The following POLQ variants were observed in gnomAD, a reference collection of about 807,000 sequenced individuals.
The protein encoded by POLQ is epididymis secretory sperm binding protein.
In POLQ, 233 loss-of-function variants were observed where a neutral mutation model predicts 259.2. The observed-to-expected ratio is 0.90, with a 90% CI of 0.81 to 1.00. The LOEUF (loss-of-function observed/expected upper bound fraction) is 1.00, where lower values mean the gene tolerates loss of function less well. Among genes scored for constraint, POLQ ranks in the 50% least tolerant of loss-of-function variants. The pLI is 0.00. For missense variants in POLQ, 2,871 were observed against 3,051.6 expected, an observed-to-expected ratio of 0.94 and a Z score of 1.39; for synonymous variants, 1,025 against 1,048.8, an observed-to-expected ratio of 0.98 and a Z score of 0.44.
chr3:121,453,148 A>G (rs1382976359), intron 25 of POLQ, among the ~76,000 whole-genome samples: 1 of 152,260 alleles, frequency 6.6e-6, no homozygotes, highest in East Asian at 1.9e-4. Context: ...GTGGACATCT[A>G]GCAAACTCCA....
chr3:121,543,303 G>A (rs1270391308), intron 2 of POLQ, among the ~76,000 whole-genome samples: 1 of 151,188 alleles, frequency 6.6e-6, no homozygotes, highest in Non-Finnish European at 1.5e-5. Flanking sequence ...TTTATTTTTT[G>A]TAATGCCTTT....
intron 2 of POLQ, among the ~76,000 whole-genome samples, chr3:121,541,897 G>A (rs1459219573): frequency 1.3e-5 from 2 of 151,768 alleles, no homozygotes; most frequent in South Asian, 2.1e-4. Flanking sequence ...GGCCAAGGCC[G>A]GGGGATCACT....
intron 9 of POLQ, among the ~76,000 whole-genome samples, chr3:121,517,934 G>C (rs2048309592): frequency 6.6e-6 from 1 of 152,118 alleles, no homozygotes; most frequent in Non-Finnish European, 1.5e-5. Context: ...TTTTGTTACA[G>C]CAGTGAATTT....
At chr3:121,521,118 A>G (rs1253893237) in intron 8 of POLQ, among the ~76,000 whole-genome samples, 1 of 152,112 alleles carries the variant, frequency 6.6e-6, no homozygotes, top group African/African-American at 2.4e-5. Context: ...TTTGCTTTCT[A>G]TAGTTTTAGT....
intron 12 of POLQ, among the ~76,000 whole-genome samples, chr3:121,505,959 T>G (rs1156741062): frequency 6.8e-6 from 1 of 147,022 alleles, no homozygotes; most frequent in Admixed American, 6.9e-5. Context: ...GAGGCGGAGG[T>G]TGCAGTGAGC....
intron 19 of POLQ, among the ~76,000 whole-genome samples, chr3:121,478,883 A>G (rs1023276706): frequency 1.1e-4 from 16 of 152,326 alleles, no homozygotes; most frequent in Non-Finnish European, 1.6e-4. Flanking sequence ...GTTAAAATTG[A>G]TTGAATTACA....
intron 15 of POLQ, among the ~76,000 whole-genome samples, chr3:121,491,078 C>A (rs61796946): frequency 0.082 from 12,380 of 151,836 alleles, 620 homozygotes; most frequent in Admixed American, 0.12. Flanking sequence ...AAAGGCTGTG[C>A]GCAGTGGCTC....
At chr3:121,465,180 G>A (rs2047825457) in intron 24 of POLQ, among the ~76,000 whole-genome samples, 1 of 151,338 alleles carries the variant, frequency 6.6e-6, no homozygotes, top group South Asian at 2.1e-4. Flanking sequence ...CCAACCTCCA[G>A]GGCTCAAGTG....
At position 121,498,661 on chromosome 3, in the gene POLQ, T is replaced by C. The variant is rs150880135; in HGVS notation, c.1969A>G (p.Met657Val). The C allele has an allele frequency of 2.8e-5, 45 of 1,608,898 alleles. 1 individual carries two copies. The highest frequency in any genetic ancestry group is 3.4e-5 in the Non-Finnish European group (40 of 1,175,450). Residue 657 changes from methionine to valine, a missense_variant, in exon 13 of 30, where the codon ATG becomes GTG. Around this residue, in one of 3 missense-constraint regions of POLQ, gnomAD observed 783 missense variants for 906.2 expected, o/e 0.86. Transcript: ENST00000264233. The part of the protein sequence containing the change: ...DLHILYLVTP[M>V]FEDWTTIDWY... ...TCAATAGTAGTCCAATCCTCAAACA[T>C]AGGTGTAACCTAAAAGGAAGAAGTA...
rs764422842 is a variant in POLQ at position 121,489,370 on chromosome 3, A to G, written c.3561T>C (p.His1187=). The change falls in exon 16 of 30, where the codon CAT becomes CAC. Residue 1187 remains histidine, a synonymous_variant. Coordinates refer to ENST00000264233, the MANE Select transcript of POLQ (RefSeq NM_199420.4). ...GGTACTGGTTAATTGGATGGATGTC[A>G]TGGTGTTTCATATAAACATTCTGGT... ...SKNQNVYMKH[H]DIHPINQYLR... The G allele has an allele frequency of 3.7e-6, 6 of 1,613,432 alleles. No homozygotes were observed. The highest frequency in any genetic ancestry group is 1.7e-5 in the Admixed American group (1 of 59,874).
At chr3:121,520,719 A>G (rs536419400) in intron 8 of POLQ, among the ~76,000 whole-genome samples, 1 of 152,316 alleles carries the variant, frequency 6.6e-6, no homozygotes, top group South Asian at 2.1e-4. Context: ...CTGTGTTCCA[A>G]TAAAACTTTA....
Position 121,481,638 on chromosome 3 carries a change from C to T in POLQ, c.6145G>A (p.Glu2049Lys). ...ATAGAGTTGAAGATGAGAATGGACT[C>T]CACAGATGCTCTGTATCGCCCAGAA... ...EHSGRYRASVESILIFNSMNQ... is the reference protein window; with the variant it reads ...EHSGRYRASVKSILIFNSMNQ... Residue 2049 changes from glutamate (E) to lysine (K), a missense_variant, in exon 19 of 30, where the codon GAG becomes AAG. Glu to Lys is a moderately conservative substitution (Grantham distance 56, BLOSUM62 1). Coordinates refer to ENST00000264233, the MANE Select transcript of POLQ (RefSeq NM_199420.4). 1 of 1,613,894 alleles carries T rather than the reference C, an allele frequency of 6.2e-7. No homozygotes were observed.
chr3:121,496,874 TTA>T lies in POLQ; in HGVS notation c.2210_2211del (p.Ile737LysfsTer58). ...DLISEVPLRE[I>X]NQKYGCNRGQ... ...CCACGATTGCATCCATATTTCTGAT[TTA>T]TTTCCCTTAAGGGAACTTCACTGAT... On this transcript the variant is annotated frameshift_variant, in exon 14 of 30. Transcript: ENST00000264233. LOFTEE classifies it high-confidence loss of function. 6.2e-7 allele frequency: 1 copy of T among 1,613,640 alleles called. No homozygotes were observed. Among genetic ancestry groups the T allele is most frequent in the Non-Finnish European group, 8.5e-7 (1 of 1,179,758 alleles).
At chr3:121,500,278 CAA>C (rs1187939050) in intron 12 of POLQ, among the ~76,000 whole-genome samples, 11 of 52,868 alleles carry the variant, frequency 2.1e-4, no homozygotes, top group African/African-American at 3.5e-4. Context: ...GAATATGTCT[CAA>C]AAAAAAAAAA....
intron 12 of POLQ, among the ~76,000 whole-genome samples, chr3:121,506,211 A>C (rs1349881328): frequency 6.6e-6 from 1 of 152,106 alleles, no homozygotes; most frequent in Non-Finnish European, 1.5e-5. Context: ...GAGGAAAATC[A>C]TTCTACTTAT....
intron 10 of POLQ, 129 bp downstream of exon 10, chr3:121,511,758 A>G (rs1026133341): frequency 4.2e-6 from 3 of 709,490 alleles, no homozygotes; most frequent in Non-Finnish European, 6.5e-6. Flanking sequence ...GGCCTGGGTA[A>G]CAGAGTGAGA....
At chr3:121,535,401 G>A (rs974642941) in intron 5 of POLQ, among the ~76,000 whole-genome samples, 1 of 152,086 alleles carries the variant, frequency 6.6e-6, no homozygotes, top group African/African-American at 2.4e-5. Context: ...TTCTAATCTT[G>A]ACTTTTATAC....
At position 121,466,646 on chromosome 3, in the gene POLQ, C is replaced by T. The variant is rs969867534; in HGVS notation, c.6967+873G>A. ...CAGAGGTTGCGCTGAGCCGAGATCA[C>T]GCCATTGCACTCCAGCCTGGGCAAC... is the stretch of plus-strand genomic sequence containing the variant. On this transcript the variant is annotated intron_variant, in intron 24 of 29. Transcript: ENST00000264233. 6.0e-5 allele frequency among the ~76,000 whole-genome samples: 9 copies of T among 151,236 alleles called. No individual in the cohort carries two copies. The East Asian group carries it at 7.8e-4, about 13-fold the overall frequency.
At chr3:121,530,499 CAAT>C (rs961537947) in intron 6 of POLQ, among the ~76,000 whole-genome samples, 1 of 151,990 alleles carries the variant, frequency 6.6e-6, no homozygotes, top group Non-Finnish European at 1.5e-5. Flanking sequence ...TAAAATACAA[CAAT>C]AATATATACC....
Sources: gnomAD v4.1 joint callset for allele counts (sites outside exome capture counted in the v4.1 genomes callset) on GRCh38, gnomAD v4.1.1 for gene constraint, gnomAD v4.1.1 regional missense constraint, MANE v1.5 for transcripts, NCBI Gene and HGNC (gene_info 2026-07-23, HGNC 2026-07-21) for gene names.